UGT2A1: variants seen among roughly 807,000 people sequenced by gnomAD.
The protein encoded by UGT2A1 is UDP glucuronosyltransferase family 2 member A1 complex locus, also known as UDP-glucuronosyltransferase 2A1.
UGT2A1 carries 61 observed loss-of-function variants against 45.4 expected under a neutral mutation model. The observed-to-expected ratio is 1.34, with a 90% CI of 1.09 to 1.66. The LOEUF is 1.66. UGT2A1 is among the 40% of genes most tolerant of loss of function. The pLI is 0.00. For missense variants in UGT2A1, 649 were observed against 574.3 expected, an observed-to-expected ratio of 1.13 and a Z score of -1.33; for synonymous variants, 229 against 196.2, an observed-to-expected ratio of 1.17 and a Z score of -1.40.
At chr4:69,632,016 T>C (rs1721416467) in intron 3 of UGT2A1, among the ~76,000 whole-genome samples, 1 of 152,152 alleles carries the variant, frequency 6.6e-6, no homozygotes, top group South Asian at 2.1e-4. Context: ...ACATTATAGT[T>C]ATTAGTTTTT....
intron 6 of UGT2A1, among the ~76,000 whole-genome samples, chr4:69,590,304 T>C (rs781731689): frequency 1.3e-5 from 2 of 152,246 alleles, no homozygotes; most frequent in East Asian, 3.8e-4. Context: ...CTAAATCAAC[T>C]TGCCATCACA....
At chr4:69,639,215 T>C (rs928952307) in intron 2 of UGT2A1, 18 of 1,613,728 alleles carry the variant, frequency 1.1e-5, no homozygotes, top group African/African-American at 8.0e-5. Flanking sequence ...CCATCAACTT[T>C]GGGTTCTTTA....
chr4:69,627,435 T>A (rs944707263), intron 3 of UGT2A1, among the ~76,000 whole-genome samples: 1 of 148,996 alleles, frequency 6.7e-6, no homozygotes, highest in Non-Finnish European at 1.5e-5. Flanking sequence ...AAATAAGAAA[T>A]ATTTTTTGTT....
At chr4:69,596,360 T>G (rs1392847860) in intron 4 of UGT2A1, 1 of 1,601,030 alleles carries the variant, frequency 6.2e-7, no homozygotes, top group Admixed American at 1.7e-5. Context: ...TTACCTGAGC[T>G]CTGGATAAAT....
At chr4:69,607,383 T>G (rs1239536110) in intron 3 of UGT2A1, among the ~76,000 whole-genome samples, 1 of 151,750 alleles carries the variant, frequency 6.6e-6, no homozygotes, top group Non-Finnish European at 1.5e-5. Flanking sequence ...AAGCTGAACC[T>G]GGATCCCTTC....
At chr4:69,589,706 G>A in intron 6 of UGT2A1, 55 bp from the exon 7 acceptor site, 1 of 1,558,948 alleles carries the variant, frequency 6.4e-7, no homozygotes, top group Non-Finnish European at 8.7e-7. Flanking sequence ...TATTTTCATT[G>A]AAGATAAATA....
intron 2 of UGT2A1, among the ~76,000 whole-genome samples, chr4:69,637,755 T>TA (rs1315792200): frequency 6.6e-6 from 1 of 152,108 alleles, no homozygotes; most frequent in Non-Finnish European, 1.5e-5. Context: ...TTCCATGAGA[T>TA]AGAGAATTTG....
intron 3 of UGT2A1, among the ~76,000 whole-genome samples, chr4:69,615,183 C>A (rs1720302255): frequency 6.6e-6 from 1 of 151,952 alleles, no homozygotes; most frequent in South Asian, 2.1e-4. Flanking sequence ...TCTCACCATA[C>A]ACAAAAATCA....
At chr4:69,625,054 T>C (rs1720964632) in intron 3 of UGT2A1, among the ~76,000 whole-genome samples, 4 of 151,420 alleles carry the variant, frequency 2.6e-5, no homozygotes, top group Middle Eastern at 6.8e-3. Context: ...GTATTAAATT[T>C]GCTGGGAATA....
chr4:69,632,434 G>T (rs1366166818), intron 3 of UGT2A1, among the ~76,000 whole-genome samples: 1 of 152,062 alleles, frequency 6.6e-6, no homozygotes, highest in Admixed American at 6.5e-5. Flanking sequence ...CCCACGTTAT[G>T]ATTTCTTTGA....
intron 1 of UGT2A1, among the ~76,000 whole-genome samples, chr4:69,650,573 TTAA>T (rs1171427252): frequency 6.6e-6 from 1 of 151,952 alleles, no homozygotes; most frequent in Non-Finnish European, 1.5e-5. Flanking sequence ...AACATATCTG[TTAA>T]TAAATTAAAA....
rs139657437 is a variant in UGT2A1, at chr4:69,631,157, T to C, written c.847+4534A>G. Among the ~76,000 whole-genome samples the C allele has an allele frequency of 4.4e-3, 673 of 152,242 alleles. 7 individuals are homozygous for C. The highest frequency in any genetic ancestry group is 0.015 in the African/African-American group (617 of 41,556). ...TTTGACTTCCTATTAACGTCTTTTC[T>C]TTAGAAAAGCAGAGAGCTAGGGCTT... On this transcript the variant is annotated intron_variant, in intron 3 of 6. Coordinates refer to ENST00000286604, the MANE Select transcript of UGT2A1 (RefSeq NM_001252275.3).
At chr4:69,606,316 C>A (rs1293445948) in intron 3 of UGT2A1, among the ~76,000 whole-genome samples, 1 of 136,226 alleles carries the variant, frequency 7.3e-6, no homozygotes, top group East Asian at 2.1e-4. Flanking sequence ...GAACCAAAGA[C>A]AAAAACCACA....
intron 3 of UGT2A1, among the ~76,000 whole-genome samples, chr4:69,624,283 A>G (rs1560485071): frequency 6.6e-6 from 1 of 151,518 alleles, no homozygotes; most frequent in East Asian, 1.9e-4. Flanking sequence ...TCTAATATTA[A>G]TGCAGCCACT....
At chr4:69,652,365 C>G (rs1722568402) in intron 1 of UGT2A1, among the ~76,000 whole-genome samples, 1 of 145,846 alleles carries the variant, frequency 6.9e-6, no homozygotes, top group Non-Finnish European at 1.5e-5. Flanking sequence ...GTCACTGCAA[C>G]CTCCATTTCC....
At chr4:69,627,558 G>GAA in intron 3 of UGT2A1, among the ~76,000 whole-genome samples, 1 of 148,468 alleles carries the variant, frequency 6.7e-6, no homozygotes, top group Admixed American at 6.8e-5. Context: ...AAGAGAGAGA[G>GAA]AGAGAGAGAA....
chr4:69,608,612 G>A (rs1159874788), intron 3 of UGT2A1, among the ~76,000 whole-genome samples: 3 of 151,864 alleles, frequency 2.0e-5, no homozygotes, highest in African/African-American at 4.8e-5. Context: ...AGGGAGTCAG[G>A]GAAGAAGGAA....
chr4:69,594,012 T>C (rs1190005853), intron 6 of UGT2A1, among the ~76,000 whole-genome samples: 2 of 150,920 alleles, frequency 1.3e-5, no homozygotes, highest in Non-Finnish European at 3.0e-5. Context: ...TCTTGCTCTT[T>C]TGCCCAGGCT....
Position 69,589,085 on chromosome 4 carries a change from A to G in UGT2A1, c.*287T>C, listed in dbSNP as rs1362766828. The G allele has an allele frequency of 4.0e-6, 1 of 247,586 alleles. No individual in the cohort carries two copies. The highest frequency in any genetic ancestry group is 2.2e-5 in the African/African-American group (1 of 44,612). The allele number at this position is 247,586 out of a possible 1,614,324, so 15.3% of individuals were successfully genotyped here. A position where few individuals can be genotyped will look rare whatever the true frequency, so the allele number is the denominator to read the frequency against. ...AATAATTTGATACTATGAATAGAAC[A>G]TATTTAAAATTAGGTAGTATCCTTG... On this transcript the variant is annotated 3_prime_UTR_variant, in exon 7 of 7. Transcript: ENST00000286604.
Sources: allele counts gnomAD v4.1 joint callset (sites outside exome capture counted in the v4.1 genomes callset), GRCh38; gene constraint gnomAD v4.1.1; transcripts MANE v1.5; gene names NCBI Gene and HGNC (gene_info 2026-07-23, HGNC 2026-07-21).